Variants in JUP observed in about 807,000 individuals in gnomAD.
The protein encoded by JUP is catenin (cadherin-associated protein), gamma 80kDa.
Under a neutral mutation model 71.1 loss-of-function variants are expected in JUP, and 28 were observed. The observed-to-expected ratio is 0.39, with a 90% CI of 0.29 to 0.54. JUP has a LOEUF of 0.54. Among genes scored for constraint, JUP ranks in the 20% least tolerant of loss-of-function variants. The pLI is 0.62. For missense variants in JUP, 869 were observed against 1,030.1 expected (o/e 0.84, Z 2.14); for synonymous variants, 401 against 438.9 (o/e 0.91, Z 1.08).
Position 41,765,513 on chromosome 17 carries a change from G to A in JUP, c.910-446C>T, listed in dbSNP as rs146035678. Among the ~76,000 whole-genome samples, 15 of 151,730 alleles carry A rather than the reference G, an allele frequency of 9.9e-5. No homozygotes were observed. In the East Asian group the frequency reaches 2.1e-3, roughly 22 times the overall value. On this transcript the variant is annotated intron_variant, in intron 5 of 13. Coordinates refer to ENST00000393931, the MANE Select transcript of JUP (RefSeq NM_002230.4). The stretch of plus-strand genomic sequence containing the variant: ...ATTACAGGCGTGTGCCATCACGCCC[G>A]GCTAATTTCTGTAGTTTTTGGTAGA...
At chr17:41,756,646 C>G (rs1411027318) in intron 12 of JUP, among the ~76,000 whole-genome samples, 4 of 151,338 alleles carry the variant, frequency 2.6e-5, no homozygotes, top group Non-Finnish European at 4.4e-5. Context: ...CGCCTGTAAT[C>G]CCAGCACTTT....
At chr17:41,783,022 A>C (rs983199703) in intron 1 of JUP, among the ~76,000 whole-genome samples, 1 of 151,068 alleles carries the variant, frequency 6.6e-6, no homozygotes, top group Admixed American at 6.6e-5. Flanking sequence ...GCTTGAACCC[A>C]GGAGGTAGAC....
intron 2 of JUP, chr17:41,771,374 C>T (rs1355466451): frequency 5.5e-6 from 3 of 544,226 alleles, no homozygotes; most frequent in Admixed American, 3.1e-5. Flanking sequence ...AGGACTATGG[C>T]TTTTCCTTCA....
In JUP at chr17:41,771,776, G is replaced by A; in HGVS notation, c.79C>T (p.His27Tyr). 1 of 1,614,054 alleles carries A rather than the reference G, an allele frequency of 6.2e-7. No individual in the cohort carries two copies. Among genetic ancestry groups the A allele is most frequent in the Non-Finnish European group, 8.5e-7 (1 of 1,179,996 alleles). Residue 27 changes from histidine (H) to tyrosine (Y), a missense_variant, in exon 2 of 14, where the codon CAC becomes TAC. Physicochemically the swap from His to Tyr is moderately conservative, Grantham distance 83. Coordinates refer to ENST00000393931, the MANE Select transcript of JUP (RefSeq NM_002230.4). ...QQTYTYDSGI[H>Y]SGANTCVPSV... ...GGCACGCAGGTGTTGGCGCCCGAGT[G>A]GATACCCGAGTCGTAGGTGTATGTC...
At chr17:41,756,882 G>C (rs1482095809) in intron 12 of JUP, among the ~76,000 whole-genome samples, 1 of 152,172 alleles carries the variant, frequency 6.6e-6, no homozygotes, top group African/African-American at 2.4e-5. Context: ...CCTGGCGACA[G>C]AGCAAGACTC....
intron 8 of JUP, 152 bp from the exon 9 acceptor site, chr17:41,759,022 C>G (rs1031133724): frequency 3.8e-5 from 29 of 760,342 alleles, no homozygotes; most frequent in Admixed American, 5.8e-5. Context: ...AGGAGACCAT[C>G]CCAGCCATGT....
At chr17:41,770,356 C>T (rs1916459433) in intron 2 of JUP, among the ~76,000 whole-genome samples, 1 of 152,198 alleles carries the variant, frequency 6.6e-6, no homozygotes, top group Admixed American at 6.5e-5. Flanking sequence ...GGGAGTCCCA[C>T]AGGTAGGTGC....
At chr17:41,779,563 C>T (rs1029176937) in intron 1 of JUP, among the ~76,000 whole-genome samples, 3 of 152,012 alleles carry the variant, frequency 2.0e-5, no homozygotes, top group African/African-American at 7.2e-5. Flanking sequence ...CTCCTGACCT[C>T]GTGATGCGCC....
chr17:41,756,971 G>C (rs1294838699), intron 12 of JUP, among the ~76,000 whole-genome samples: 1 of 152,190 alleles, frequency 6.6e-6, no homozygotes, highest in African/African-American at 2.4e-5. Context: ...GAGGAATAGA[G>C]GATGATGAAA....
At chr17:41,783,365 C>T (rs541312780) in intron 1 of JUP, among the ~76,000 whole-genome samples, 1 of 150,014 alleles carries the variant, frequency 6.7e-6, no homozygotes, top group South Asian at 2.1e-4. Flanking sequence ...CAGCTCACTG[C>T]AGCCTTGACT....
Position 41,757,788 on chromosome 17 carries a change from G to T in JUP, c.1774-4C>A. 1 of 1,604,834 alleles carries T rather than the reference G, an allele frequency of 6.2e-7. No homozygotes were observed. The highest frequency in any genetic ancestry group is 8.5e-7 in the Non-Finnish European group (1 of 1,175,038). ...TCTCCACCGACGAGTACAGGAGCTGGGGAGAGGGGACGTGGGAAGCAGGGG... is the reference window on the plus strand; with the variant it reads ...TCTCCACCGACGAGTACAGGAGCTGTGGAGAGGGGACGTGGGAAGCAGGGG... On this transcript the variant is annotated splice_polypyrimidine_tract_variant and splice_region_variant and intron_variant, in intron 10 of 13. Transcript: ENST00000393931.
At chr17:41,783,403 T>G (rs2047272483) in intron 1 of JUP, among the ~76,000 whole-genome samples, 1 of 148,746 alleles carries the variant, frequency 6.7e-6, no homozygotes, top group South Asian at 2.2e-4. Context: ...TCCTCCCACC[T>G]CAACATTCCC....
At chr17:41,766,868 A>G (rs1483313356) in intron 5 of JUP, among the ~76,000 whole-genome samples, 7 of 150,340 alleles carry the variant, frequency 4.7e-5, no homozygotes, top group Admixed American at 6.6e-5. Flanking sequence ...CAAAAAAAAA[A>G]AAAGAAAGAA....
In JUP at chr17:41,757,768, A is replaced by G; in HGVS notation, c.1790T>C (p.Val597Ala). The G allele has an allele frequency of 6.2e-7, 1 of 1,610,710 alleles. No individual in the cohort carries two copies. The highest frequency in any genetic ancestry group is 8.5e-7 in the Non-Finnish European group (1 of 1,178,242). The change falls in exon 11 of 14, where the codon GTG (valine) becomes GCG (alanine). Residue 597 changes from valine to alanine, a missense_variant. Physicochemically the swap from Val to Ala is moderately conservative, Grantham distance 64. Transcript: ENST00000393931. ...GGCAGCCACGCGCTGGATGTTCTCCACCGACGAGTACAGGAGCTGGGGAGA... is the reference window on the plus strand; with the variant it reads ...GGCAGCCACGCGCTGGATGTTCTCCGCCGACGAGTACAGGAGCTGGGGAGA... The part of the protein sequence containing the change: ...PLFVQLLYSS[V>A]ENIQRVAAGV...
chr17:41,758,360 G>A (rs1555599328), intron 10 of JUP, 39 bp downstream of exon 10: 3 of 1,611,504 alleles, frequency 1.9e-6, no homozygotes, highest in East Asian at 2.2e-5. Flanking sequence ...TTTAAGCAGT[G>A]GTGGGGGGAC....
Position 41,780,445 on chromosome 17 carries a change from G to A in JUP, c.-9+6143C>T, listed in dbSNP as rs373030425. On this transcript the variant is annotated intron_variant, in intron 1 of 13. Coordinates refer to ENST00000393931, the MANE Select transcript of JUP (RefSeq NM_002230.4). ...GCAGTGGCTCACGCCTGTAATCCCA[G>A]CACTTTGGGAGGCTGAGGTGGGTGG... Among the ~76,000 whole-genome samples the A allele has an allele frequency of 4.9e-4, 74 of 152,116 alleles. 1 individual carries two copies. The South Asian group carries it at 0.015, about 30-fold the overall frequency.
intron 1 of JUP, 190 bp from the exon 2 acceptor site, chr17:41,772,052 G>C: frequency 1.5e-6 from 1 of 671,456 alleles, no homozygotes; most frequent in Non-Finnish European, 2.7e-6. Flanking sequence ...TGCCCACGAC[G>C]AGATACCCTG....
chr17:41,763,374 C>G, intron 7 of JUP, 53 bp from the exon 8 acceptor site: 2 of 1,382,666 alleles, frequency 1.4e-6, no homozygotes, highest in African/African-American at 1.4e-5. Flanking sequence ...CTCCAGGGAG[C>G]CTTCTCGAAT....
At chr17:41,764,386 T>C (rs1915346918) in intron 7 of JUP, among the ~76,000 whole-genome samples, 1 of 151,918 alleles carries the variant, frequency 6.6e-6, no homozygotes. Flanking sequence ...AATACAAAAA[T>C]TAGCCAGACA....
Sources: allele counts gnomAD v4.1 joint callset (sites outside exome capture counted in the v4.1 genomes callset), GRCh38; gene constraint gnomAD v4.1.1; transcripts MANE v1.5; gene names NCBI Gene and HGNC (gene_info 2026-07-23, HGNC 2026-07-21).